TOR1AIP1: variants seen among roughly 807,000 people sequenced by gnomAD.
TOR1AIP1 encodes torsin-1A-interacting protein 1.
Under a neutral mutation model 63.3 loss-of-function variants are expected in TOR1AIP1, and 54 were observed. That is an observed-to-expected ratio of 0.85 (90% confidence interval 0.69 to 1.07). The LOEUF is 1.07. TOR1AIP1 is among the 50% of genes least tolerant of loss of function. The probability of loss-of-function intolerance (pLI) is 0.00; values close to 1 mark genes in which losing one functional copy is unlikely to be tolerated. For missense variants in TOR1AIP1, 736 were observed against 715.0 expected (o/e 1.03, Z -0.33); for synonymous variants, 294 against 273.5 (o/e 1.07, Z -0.74).
rs976495204 is a variant in TOR1AIP1, at chr1:179,895,843, C to T, written c.611-4283C>T. Among the ~76,000 whole-genome samples, 6 of 151,660 alleles carry T rather than the reference C, an allele frequency of 4.0e-5. No homozygotes were observed. In the South Asian group the frequency reaches 6.2e-4, roughly 16 times the overall value. ...TGAACCCGGGAGAATCACTTGAACC[C>T]GGGAGGCAGAGGTTGCAGTGAGCCG... On this transcript the variant is annotated intron_variant, in intron 3 of 9. Coordinates refer to ENST00000606911, the MANE Select transcript of TOR1AIP1 (RefSeq NM_015602.4).
At chr1:179,907,800 C>T in intron 6 of TOR1AIP1, 23 bp from the exon 7 acceptor site, 1 of 1,581,298 alleles carries the variant, frequency 6.3e-7, no homozygotes, top group Non-Finnish European at 8.6e-7. Flanking sequence ...ATTCTATGAC[C>T]TTATCCCTGT....
chr1:179,898,925 G>A (rs1163193099), intron 3 of TOR1AIP1, among the ~76,000 whole-genome samples: 6 of 151,724 alleles, frequency 4.0e-5, no homozygotes, highest in Admixed American at 1.3e-4. Context: ...ATAAAAAAAT[G>A]TTGGCAAATA....
intron 2 of TOR1AIP1, chr1:179,887,758 G>T (rs1163342612): frequency 2.0e-5 from 3 of 152,130 alleles, no homozygotes; most frequent in Admixed American, 2.0e-4. Context: ...TACTAGTGTG[G>T]TTTCTAGCTA....
chr1:179,892,440 T>C (rs1037878342), intron 3 of TOR1AIP1, among the ~76,000 whole-genome samples: 12 of 151,768 alleles, frequency 7.9e-5, no homozygotes, highest in African/African-American at 2.9e-4. Context: ...GCCATTGCAC[T>C]CCAGCCTGGG....
At chr1:179,907,585 C>T (rs1648678682) in intron 6 of TOR1AIP1, among the ~76,000 whole-genome samples, 1 of 91,784 alleles carries the variant, frequency 1.1e-5, no homozygotes, top group African/African-American at 3.8e-5. Flanking sequence ...AAGAAATACA[C>T]ACACACTTTA....
chr1:179,909,383 TTTTTG>T (rs144067149), intron 8 of TOR1AIP1, among the ~76,000 whole-genome samples: 39,832 of 147,472 alleles, frequency 0.27, 6,010 homozygotes, highest in African/African-American at 0.41. Flanking sequence ...TTTTTTCTGT[TTTTTG>T]TTTTGTTTTG....
At chr1:179,906,266 A>C (rs72708660) in intron 6 of TOR1AIP1, among the ~76,000 whole-genome samples, 6 of 152,338 alleles carry the variant, frequency 3.9e-5, no homozygotes, top group Non-Finnish European at 7.3e-5. Context: ...TATTTACCAT[A>C]ATATTTCTAT....
intron 9 of TOR1AIP1, among the ~76,000 whole-genome samples, chr1:179,915,745 G>A (rs1253328475): frequency 3.9e-5 from 6 of 151,980 alleles, no homozygotes; most frequent in East Asian, 1.9e-4. Flanking sequence ...GCCACAGAGC[G>A]AGACTCCATC....
At chr1:179,903,066 G>A (rs1247722170) in intron 5 of TOR1AIP1, among the ~76,000 whole-genome samples, 1 of 151,386 alleles carries the variant, frequency 6.6e-6, no homozygotes, top group African/African-American at 2.4e-5. Flanking sequence ...TTCCAAAACA[G>A]CAACCTGATC....
rs575718413 is a variant in TOR1AIP1, at chr1:179,908,961, C to T, written c.907+288C>T. Among the ~76,000 whole-genome samples, 9 of 152,142 alleles carry T rather than the reference C, an allele frequency of 5.9e-5. No individual in the cohort carries two copies. The East Asian group carries it at 1.7e-3, about 29-fold the overall frequency. On this transcript the variant is annotated intron_variant, in intron 8 of 9. Coordinates refer to ENST00000606911, the MANE Select transcript of TOR1AIP1 (RefSeq NM_015602.4). ...TGGGTGGATCACGAGGTCAGGAGATCGAGACCATCCTGGCTAACACGGTGA... is the reference window on the plus strand; with the variant it reads ...TGGGTGGATCACGAGGTCAGGAGATTGAGACCATCCTGGCTAACACGGTGA...
In TOR1AIP1 at chr1:179,919,212, C is replaced by G. The variant is rs138792715; in HGVS notation, c.*973C>G. 1.3e-5 allele frequency: 2 copies of G among 151,780 alleles called. No individual in the cohort carries two copies. Among genetic ancestry groups the G allele is most frequent in the African/African-American group, 4.8e-5 (2 of 41,370 alleles). The allele number at this position is 151,780 out of a possible 1,614,324, so 9.4% of individuals were successfully genotyped here. On this transcript the variant is annotated 3_prime_UTR_variant, in exon 10 of 10. Transcript: ENST00000606911. ...CCGGGAGGCGGAGGTTGCAGTAAGC[C>G]GAGACCATGCTTATTGCCCTCCAGT... is the stretch of plus-strand genomic sequence containing the variant.
At chr1:179,900,365 C>A in intron 4 of TOR1AIP1, 198 bp downstream of exon 4, 1 of 368,420 alleles carries the variant, frequency 2.7e-6, no homozygotes, top group Non-Finnish European at 5.1e-6. Context: ...TGCACTATGC[C>A]GATCAGGTGT....
At chr1:179,888,099 TGATGTCTGTA>T (rs1343150660) in intron 2 of TOR1AIP1, 1 of 152,238 alleles carries the variant, frequency 6.6e-6, no homozygotes, top group African/African-American at 2.4e-5. Context: ...AAGTAGTGAT[TGATGTCTGTA>T]GAGTCAGTTT....
chr1:179,895,367 G>A (rs981398927), intron 3 of TOR1AIP1, among the ~76,000 whole-genome samples: 14 of 151,972 alleles, frequency 9.2e-5, no homozygotes, highest in African/African-American at 3.4e-4. Flanking sequence ...AATCCTAGCT[G>A]TTTGGGAGGC....
chr1:179,901,419 C>G (rs1212845304), intron 5 of TOR1AIP1, 31 bp downstream of exon 5: 2 of 1,337,680 alleles, frequency 1.5e-6, no homozygotes, highest in Admixed American at 4.3e-5. Flanking sequence ...TATGACTCTT[C>G]TCATAGAACT....
intron 3 of TOR1AIP1, among the ~76,000 whole-genome samples, chr1:179,889,614 A>G (rs1416652948): frequency 1.3e-5 from 2 of 151,366 alleles, no homozygotes; most frequent in South Asian, 2.1e-4. Context: ...TGTCCTTTTT[A>G]TAATACAAAT....
intron 5 of TOR1AIP1, among the ~76,000 whole-genome samples, chr1:179,902,022 T>C (rs1303077742): frequency 6.9e-6 from 1 of 144,842 alleles, no homozygotes; most frequent in Admixed American, 6.9e-5. Flanking sequence ...TCCAATTCTT[T>C]TTTTTTTTTT....
intron 8 of TOR1AIP1, among the ~76,000 whole-genome samples, chr1:179,912,747 C>A (rs760364182): frequency 6.6e-6 from 1 of 152,158 alleles, no homozygotes; most frequent in Non-Finnish European, 1.5e-5. Flanking sequence ...ATTCCTCTTA[C>A]AGTTGCTGTC....
Position 179,911,066 on chromosome 1 carries a change from C to T in TOR1AIP1, c.907+2393C>T, listed in dbSNP as rs116761808. Among the ~76,000 whole-genome samples the T allele has an allele frequency of 2.2e-3, 332 of 152,258 alleles. 3 individuals carry two copies. The highest frequency in any genetic ancestry group is 7.7e-3 in the African/African-American group (318 of 41,552). Reference sequence around the variant, plus strand: ...GAATTATACATTGGTTGCTAACCACCTACCATATATAGATAACCACATTGA... The same window carrying T: ...GAATTATACATTGGTTGCTAACCACTTACCATATATAGATAACCACATTGA... On this transcript the variant is annotated intron_variant, in intron 8 of 9. Transcript: ENST00000606911.
Sources: allele counts gnomAD v4.1 joint callset (sites outside exome capture counted in the v4.1 genomes callset), GRCh38; gene constraint gnomAD v4.1.1; transcripts MANE v1.5; gene names NCBI Gene and HGNC (gene_info 2026-07-23, HGNC 2026-07-21).